The following HYAL4 variants were observed in gnomAD, a reference collection of about 807,000 sequenced individuals.
HYAL4 encodes the protein hyaluronidase-4.
Under a neutral mutation model 35.2 loss-of-function variants are expected in HYAL4, and 37 were observed. The observed-to-expected ratio is 1.05, with a 90% CI of 0.81 to 1.38. The LOEUF (loss-of-function observed/expected upper bound fraction) is 1.38. Ranked by LOEUF, HYAL4 falls within the 40% of genes most tolerant of loss-of-function variation. The pLI, the probability that HYAL4 is intolerant of heterozygous loss-of-function variation, is 0.00. For missense variants in HYAL4, 572 were observed against 572.4 expected (o/e 1.00, Z 0.01); for synonymous variants, 198 against 203.2 (o/e 0.97, Z 0.22).
At chr7:123,874,923 A>G in intron 4 of HYAL4, 73 bp downstream of exon 4, 1 of 867,426 alleles carries the variant, frequency 1.2e-6, no homozygotes, top group Non-Finnish European at 1.9e-6. Context: ...GGAGAGCTTA[A>G]TGACCTCCAT....
the HYAL4 span, among the ~76,000 whole-genome samples, chr7:123,765,686 T>C: frequency 6.6e-6 from 1 of 152,210 alleles, no homozygotes; most frequent in East Asian, 1.9e-4. Context: ...ACATCTGCTT[T>C]TGTAGTCTGC....
At chr7:123,773,319 ATATT>A in the HYAL4 span, among the ~76,000 whole-genome samples, 1 of 152,168 alleles carries the variant, frequency 6.6e-6, no homozygotes, top group African/African-American at 2.4e-5. Flanking sequence ...AAAAAAGTAA[ATATT>A]TACTGTTTCA....
intron 3 of HYAL4, among the ~76,000 whole-genome samples, chr7:123,871,880 A>G (rs1368419146): frequency 6.6e-6 from 1 of 152,240 alleles, no homozygotes; most frequent in African/African-American, 2.4e-5. Flanking sequence ...GGCAATAGCT[A>G]TAGCGTGGGG....
the HYAL4 span, among the ~76,000 whole-genome samples, chr7:123,772,909 G>A: frequency 6.6e-6 from 1 of 152,176 alleles, no homozygotes. Context: ...GTTAAAAAAC[G>A]AAATCTGATG....
upstream of HYAL4, among the ~76,000 whole-genome samples, chr7:123,828,632 A>G (rs888604547): frequency 6.6e-6 from 1 of 152,204 alleles, no homozygotes; most frequent in African/African-American, 2.4e-5. Flanking sequence ...AATTTTAACA[A>G]ACCATCCCCA....
chr7:123,806,333 GT>G, the HYAL4 span, among the ~76,000 whole-genome samples: 1 of 152,246 alleles, frequency 6.6e-6, no homozygotes, highest in South Asian at 2.1e-4. Context: ...AGTAATGAAG[GT>G]TTTCCTTTCG....
the HYAL4 span, among the ~76,000 whole-genome samples, chr7:123,810,888 T>C: frequency 4.6e-5 from 7 of 152,352 alleles, no homozygotes; most frequent in South Asian, 1.4e-3. Flanking sequence ...TTTTTTCTTT[T>C]CCAGAATGTC....
intron 2 of HYAL4, among the ~76,000 whole-genome samples, chr7:123,857,677 C>CTTTCTTTGTTTGTTTGTTTG (rs1562999490): frequency 1.3e-5 from 1 of 78,848 alleles, no homozygotes; most frequent in Non-Finnish European, 2.8e-5. Context: ...TTGTTTCTTT[C>CTTTCTTTGTTTGTTTGTTTG]TTTCTTTCTT....
the HYAL4 span, among the ~76,000 whole-genome samples, chr7:123,803,403 T>C: frequency 1.3e-5 from 2 of 152,224 alleles, no homozygotes; most frequent in African/African-American, 4.8e-5. Flanking sequence ...GTTTTAATAC[T>C]TGTATACTGA....
chr7:123,796,508 A>G, the HYAL4 span, among the ~76,000 whole-genome samples: 215 of 152,362 alleles, frequency 1.4e-3, no homozygotes, highest in African/African-American at 4.8e-3. Flanking sequence ...AGAGCAAGCA[A>G]CAACAGAACT....
chr7:123,803,193 A>T, the HYAL4 span, among the ~76,000 whole-genome samples: 3 of 152,216 alleles, frequency 2.0e-5, no homozygotes, highest in East Asian at 3.8e-4. Flanking sequence ...GAGGGCTGAG[A>T]TAGGAGGATT....
chr7:123,863,012 C>T (rs1806609111), intron 2 of HYAL4, among the ~76,000 whole-genome samples: 1 of 152,222 alleles, frequency 6.6e-6, no homozygotes, highest in Admixed American at 6.5e-5. Context: ...GCCTTTGCAC[C>T]TGCTTTCCCT....
chr7:123,767,915 C>T, the HYAL4 span, among the ~76,000 whole-genome samples: 1 of 152,122 alleles, frequency 6.6e-6, no homozygotes, highest in Middle Eastern at 3.2e-3. Flanking sequence ...AAGCAGGACA[C>T]CTGAGGACAT....
chr7:123,844,513 G>A (rs1298660227), upstream of HYAL4, among the ~76,000 whole-genome samples: 1 of 152,136 alleles, frequency 6.6e-6, no homozygotes. Context: ...GAGGCAATCT[G>A]TCCTTTCTCA....
At chr7:123,784,529 G>T in the HYAL4 span, among the ~76,000 whole-genome samples, 10,022 of 152,244 alleles carry the variant, frequency 0.066, 417 homozygotes, top group East Asian at 0.11. Context: ...AGAAAGGAAT[G>T]AGAAGGTCAG....
chr7:123,843,292 A>C (rs1208349926), upstream of HYAL4, among the ~76,000 whole-genome samples: 1 of 152,068 alleles, frequency 6.6e-6, no homozygotes, highest in East Asian at 1.9e-4. Flanking sequence ...TTCTGGGTTG[A>C]AAATTCTTTT....
At chr7:123,800,545 TATC>T in the HYAL4 span, among the ~76,000 whole-genome samples, 15 of 151,620 alleles carry the variant, frequency 9.9e-5, no homozygotes, top group Admixed American at 9.2e-4. Flanking sequence ...CAAATAAGCA[TATC>T]ATCTTCTATG....
chr7:123,825,050 C>T (rs1039419599), upstream of HYAL4, among the ~76,000 whole-genome samples: 1 of 152,060 alleles, frequency 6.6e-6, no homozygotes, highest in Non-Finnish European at 1.5e-5. Flanking sequence ...GGGTAAATGT[C>T]TCTAACTCCT....
intron 1 of HYAL4, among the ~76,000 whole-genome samples, chr7:123,834,915 T>C (rs750251117): frequency 6.6e-6 from 1 of 152,206 alleles, no homozygotes; most frequent in Non-Finnish European, 1.5e-5. Context: ...CATCCCTGCA[T>C]CCCTGCTATG....
Sources: allele counts gnomAD v4.1 joint callset (sites outside exome capture counted in the v4.1 genomes callset), GRCh38; gene constraint gnomAD v4.1.1; transcripts MANE v1.5; gene names NCBI Gene and HGNC (gene_info 2026-07-23, HGNC 2026-07-21).